Variants in SLC15A1 observed in about 807,000 individuals in gnomAD.
SLC15A1 encodes Caco-2 oligopeptide transporter.
Under a neutral mutation model 92.9 loss-of-function variants are expected in SLC15A1, and 83 were observed. That is an observed-to-expected ratio of 0.89 (90% CI 0.75 to 1.07). The LOEUF is 1.07. Ranked by LOEUF, SLC15A1 falls within the 50% of genes least tolerant of loss-of-function variation. SLC15A1 has a pLI of 0.00. For synonymous variants in SLC15A1, 322 were observed against 318.2 expected, an observed-to-expected ratio of 1.01 and a Z score of -0.13; for missense variants, 857 against 880.1, an observed-to-expected ratio of 0.97 and a Z score of 0.33.
chr13:98,684,562 AAAAAAAG>A lies in SLC15A1; in HGVS notation c.*155_*161del, dbSNP rs1755681580. The A allele has an allele frequency of 8.7e-6, 4 of 457,566 alleles. No homozygotes were observed. Among genetic ancestry groups the A allele is most frequent in the African/African-American group, 4.0e-5 (2 of 50,138 alleles). 28.3% of individuals were successfully genotyped at this position (457,566 alleles called of 1,614,324 possible). ...CTCTGTCTCAAAAAAAAAAAAAAAA[AAAAAAAG>A]AAAAGAAAAAGAAAAAAGAAAATAG... is the stretch of plus-strand genomic sequence containing the variant. On this transcript the variant is annotated 3_prime_UTR_variant, in exon 23 of 23. Coordinates refer to ENST00000376503, the MANE Select transcript of SLC15A1 (RefSeq NM_005073.4).
At chr13:98,685,751 G>A (rs1474224335) in intron 22 of SLC15A1, among the ~76,000 whole-genome samples, 2 of 152,124 alleles carry the variant, frequency 1.3e-5, no homozygotes, top group Non-Finnish European at 2.9e-5. Flanking sequence ...ACTTTGGGGG[G>A]CCAAGGTGGG....
intron 1 of SLC15A1, among the ~76,000 whole-genome samples, chr13:98,739,156 A>G (rs2088419728): frequency 6.6e-6 from 1 of 152,220 alleles, no homozygotes; most frequent in African/African-American, 2.4e-5. Context: ...TGTTTACCCA[A>G]TGCCTATACT....
At chr13:98,690,968 C>G (rs2087970330) in intron 18 of SLC15A1, among the ~76,000 whole-genome samples, 1 of 152,202 alleles carries the variant, frequency 6.6e-6, no homozygotes, top group Non-Finnish European at 1.5e-5. Flanking sequence ...ATGCAGGTCT[C>G]TGTGACCAGC....
In SLC15A1 at chr13:98,726,937, G is replaced by C. The variant is rs879035203; in HGVS notation, c.5-78C>G. On this transcript the variant is annotated intron_variant, in intron 1 of 22. Transcript: ENST00000376503. ...TGCTGTGTCTAAACTCAGAGCCTCT[G>C]ACTTTTTAGGGTGGTCAGAGGGGCC... 207 of 1,448,650 alleles carry C rather than the reference G, an allele frequency of 1.4e-4. 1 individual carries two copies. In the South Asian group the frequency reaches 2.0e-3, roughly 14 times the overall value. The allele number at this position is 1,448,650 out of a possible 1,614,324, so 89.7% of individuals were successfully genotyped here. A position where few individuals can be genotyped will look rare whatever the true frequency, so the allele number is the denominator to read the frequency against.
rs146082485 is a variant in SLC15A1, at chr13:98,689,219, T to A, written c.1467-642A>T. Among the ~76,000 whole-genome samples the A allele has an allele frequency of 2.3e-3, 347 of 152,156 alleles. 3 individuals are homozygous for A. The highest frequency in any genetic ancestry group is 7.9e-3 in the African/African-American group (328 of 41,512). ...CCTCCCAAAGTGCTGGGATTGCAGG[T>A]GGGAGCCACTGCGCCTGGCCAGAAA... On this transcript the variant is annotated intron_variant, in intron 18 of 22. Coordinates refer to ENST00000376503, the MANE Select transcript of SLC15A1 (RefSeq NM_005073.4).
At chr13:98,746,730 T>C (rs1457431404) in intron 1 of SLC15A1, among the ~76,000 whole-genome samples, 1 of 152,172 alleles carries the variant, frequency 6.6e-6, no homozygotes. Flanking sequence ...TGAACCAAAA[T>C]TCCCTCTGGA....
At chr13:98,713,589 C>T (rs1408250065) in intron 9 of SLC15A1, among the ~76,000 whole-genome samples, 1 of 152,052 alleles carries the variant, frequency 6.6e-6, no homozygotes, top group Non-Finnish European at 1.5e-5. Flanking sequence ...TATAATAACA[C>T]AGGTCAGAAA....
intron 1 of SLC15A1, among the ~76,000 whole-genome samples, chr13:98,741,041 A>G (rs1460644371): frequency 6.6e-6 from 1 of 151,844 alleles, no homozygotes; most frequent in Admixed American, 6.6e-5. Flanking sequence ...ATGTTTTGCC[A>G]CCTTTCCCAC....
chr13:98,751,254 T>G (rs944822317), intron 1 of SLC15A1, among the ~76,000 whole-genome samples: 4 of 152,224 alleles, frequency 2.6e-5, no homozygotes, highest in African/African-American at 9.7e-5. Context: ...GAGGACCAGT[T>G]GCAGACTAGA....
At chr13:98,741,441 C>T (rs577752516) in intron 1 of SLC15A1, among the ~76,000 whole-genome samples, 4 of 152,270 alleles carry the variant, frequency 2.6e-5, no homozygotes, top group South Asian at 4.1e-4. Flanking sequence ...GGTGAAACCC[C>T]ATCTCTACTA....
chr13:98,736,495 T>C (rs1204129299), intron 1 of SLC15A1, among the ~76,000 whole-genome samples: 1 of 151,966 alleles, frequency 6.6e-6, no homozygotes. Context: ...ACAAATGGGA[T>C]CTAATTAAAC....
intron 11 of SLC15A1, among the ~76,000 whole-genome samples, chr13:98,710,346 G>C (rs2088151671): frequency 6.6e-6 from 1 of 152,208 alleles, no homozygotes; most frequent in Admixed American, 6.5e-5. Context: ...GCTGCACCTA[G>C]ATCTCCATCA....
At chr13:98,727,834 A>G (rs1201279598) in intron 1 of SLC15A1, among the ~76,000 whole-genome samples, 3 of 152,106 alleles carry the variant, frequency 2.0e-5, no homozygotes, top group Non-Finnish European at 2.9e-5. Context: ...ATTTCCTTAT[A>G]TTAGAGTTCT....
At chr13:98,707,766 A>G (rs1238874822) in intron 15 of SLC15A1, among the ~76,000 whole-genome samples, 1 of 151,830 alleles carries the variant, frequency 6.6e-6, no homozygotes, top group Non-Finnish European at 1.5e-5. Flanking sequence ...GTGGTGGTGC[A>G]TGCCTACAGT....
At chr13:98,723,007 C>A (rs2088271919) in intron 5 of SLC15A1, among the ~76,000 whole-genome samples, 1 of 152,174 alleles carries the variant, frequency 6.6e-6, no homozygotes, top group Admixed American at 6.5e-5. Flanking sequence ...GAAACTGAGG[C>A]ATAGAGGTTA....
chr13:98,744,579 T>G (rs2088477113), intron 1 of SLC15A1, among the ~76,000 whole-genome samples: 1 of 151,276 alleles, frequency 6.6e-6, no homozygotes, highest in South Asian at 2.1e-4. Flanking sequence ...CAAAACCCCC[T>G]CTCTACACAA....
chr13:98,707,787 C>T (rs1027357174), intron 15 of SLC15A1, among the ~76,000 whole-genome samples: 3 of 149,506 alleles, frequency 2.0e-5, no homozygotes, highest in African/African-American at 7.4e-5. Context: ...CCTAGCTACT[C>T]AGGAGGCTGA....
At chr13:98,725,698 G>A (rs1342928905) in intron 4 of SLC15A1, among the ~76,000 whole-genome samples, 1 of 152,166 alleles carries the variant, frequency 6.6e-6, no homozygotes, top group African/African-American at 2.4e-5. Context: ...AAACAGCGCT[G>A]TAAATGCTCT....
At chr13:98,693,136 T>C (rs1593980778) in intron 18 of SLC15A1, among the ~76,000 whole-genome samples, 1 of 140,820 alleles carries the variant, frequency 7.1e-6, no homozygotes, top group Non-Finnish European at 1.5e-5. Context: ...TCAATCTTGT[T>C]GCCCAGGCTG....
Sources: allele counts gnomAD v4.1 joint callset (sites outside exome capture counted in the v4.1 genomes callset), GRCh38; gene constraint gnomAD v4.1.1; transcripts MANE v1.5; gene names NCBI Gene and HGNC (gene_info 2026-07-23, HGNC 2026-07-21).